Variants in MYOM3 observed in about 807,000 individuals in gnomAD.
MYOM3 encodes myomesin-3.
A neutral mutation model predicts 191.7 loss-of-function variants in MYOM3; 155 were observed. The ratio of observed to expected loss-of-function variants is 0.81; its 90% CI spans 0.71 to 0.92. The LOEUF is 0.92. Among genes scored for constraint, MYOM3 ranks in the 40% least tolerant of loss-of-function variants. The pLI is 0.00. For synonymous variants in MYOM3, 757 were observed against 762.9 expected, an observed-to-expected ratio of 0.99 and a Z score of 0.13; for missense variants, 1,889 against 1,890.6, an observed-to-expected ratio of 1.00 and a Z score of 0.02.
intron 20 of MYOM3, 67 bp downstream of exon 20, chr1:24,079,949 C>T (rs1643646125): frequency 7.1e-7 from 1 of 1,417,686 alleles, no homozygotes; most frequent in Non-Finnish European, 9.6e-7. Flanking sequence ...GAGGTCATTC[C>T]AGCTCTGATG....
intron 18 of MYOM3, 39 bp from the exon 19 acceptor site, chr1:24,081,495 G>C: frequency 1.2e-6 from 2 of 1,604,632 alleles, no homozygotes; most frequent in Middle Eastern, 3.3e-4. Context: ...GCTGAGGCTG[G>C]AGGAGGGATG....
chr1:24,075,136 T>A lies in MYOM3; in HGVS notation c.2858+183A>T, dbSNP rs150446219. Among the ~76,000 whole-genome samples the A allele has an allele frequency of 5.3e-4, 81 of 151,784 alleles. 1 individual carries two copies. The highest frequency in any genetic ancestry group is 1.9e-3 in the African/African-American group (79 of 41,108). ...GAAAAAATAGCACCATTGCAGCCGC[T>A]TAAATGCACTCTCCACTCTTCTCAC... is the stretch of plus-strand genomic sequence containing the variant. On this transcript the variant is annotated intron_variant, in intron 22 of 36. Coordinates refer to ENST00000374434, the MANE Select transcript of MYOM3 (RefSeq NM_152372.4).
Position 24,060,822 on chromosome 1 carries a change from G to A in MYOM3, c.3994+238C>T, listed in dbSNP as rs181351330. The stretch of plus-strand genomic sequence containing the variant: ...TCCCCTCCTTTTCGGTCCCACCAAT[G>A]TAGTCCATGTGCCTGCGAGAACCAG... On this transcript the variant is annotated intron_variant, in intron 35 of 36. Transcript: ENST00000374434. 4.2e-3 allele frequency among the ~76,000 whole-genome samples: 634 copies of A among 152,286 alleles called. 2 individuals carry two copies. Among genetic ancestry groups the A allele is most frequent in the Non-Finnish European group, 6.9e-3 (466 of 68,026 alleles).
chr1:24,106,029 C>T lies in MYOM3; in HGVS notation c.451G>A (p.Gly151Ser), dbSNP rs145011026. ...EAKELRELCY[G>S]RGPWFWIPLR... ...GGGATCCAGAACCAGGGCCCGCGGC[C>T]GTAGCACAGCTCCCTCAGCTCCTTG... The change falls in exon 5 of 37, where the codon GGC becomes AGC. Residue 151 changes from glycine to serine, a missense_variant. Transcript: ENST00000374434. The T allele has an allele frequency of 8.4e-5, 135 of 1,613,832 alleles. No individual in the cohort carries two copies. Among genetic ancestry groups the T allele is most frequent in the Middle Eastern group, 8.3e-4 (5 of 6,058 alleles).
At chr1:24,074,437 C>T (rs572266568) in intron 22 of MYOM3, among the ~76,000 whole-genome samples, 168 bp from the exon 23 acceptor site, 2 of 152,176 alleles carry the variant, frequency 1.3e-5, no homozygotes, top group South Asian at 4.1e-4. Context: ...CCTTAGGGTC[C>T]CCTCTGGCCT....
chr1:24,068,298 C>T lies in MYOM3; in HGVS notation c.3220G>A (p.Asp1074Asn). ...AGTTGAGCGGTGTACGACCCTTTGT[C>T]CTCCTCAGACAAGTTCTGGATGATC... ...EVIIQNLSEE[D>N]KGSYTAQLQD... Residue 1074 changes from aspartate to asparagine, a missense_variant, in exon 26 of 37, where the codon GAC becomes AAC. Coordinates refer to ENST00000374434, the MANE Select transcript of MYOM3 (RefSeq NM_152372.4). 1 of 1,614,150 alleles carries T rather than the reference C, an allele frequency of 6.2e-7. No individual in the cohort carries two copies. Among genetic ancestry groups the T allele is most frequent in the Non-Finnish European group, 8.5e-7 (1 of 1,180,000 alleles).
chr1:24,076,360 A>G, intron 20 of MYOM3, 87 bp from the exon 21 acceptor site: 3 of 910,576 alleles, frequency 3.3e-6, no homozygotes, highest in Non-Finnish European at 5.5e-6. Flanking sequence ...GCCACTCTCA[A>G]TAAGAAAACC....
In MYOM3 at chr1:24,106,987, C is replaced by T. The variant is rs150237849; in HGVS notation, c.402+86G>A. ...AAAGCCTGGACTCTGCCCTGGATGT[C>T]CCGCCTCTTGGGAAGGGGGTGAGGA... On this transcript the variant is annotated intron_variant, in intron 4 of 36. Coordinates refer to ENST00000374434, the MANE Select transcript of MYOM3 (RefSeq NM_152372.4). 683 of 1,365,248 alleles carry T rather than the reference C, an allele frequency of 5.0e-4. 1 individual carries two copies. In the Middle Eastern group the frequency reaches 5.2e-3, roughly 10 times the overall value. The allele number at this position is 1,365,248 out of a possible 1,614,324, so 84.6% of individuals were successfully genotyped here. A position where few individuals can be genotyped will look rare whatever the true frequency, so the allele number is the denominator to read the frequency against.
At chr1:24,081,162 T>C (rs1274124422) in intron 19 of MYOM3, among the ~76,000 whole-genome samples, 168 bp downstream of exon 19, 1 of 152,240 alleles carries the variant, frequency 6.6e-6, no homozygotes, top group East Asian at 1.9e-4. Flanking sequence ...GGACTCCATT[T>C]GTGTCAGGAA....
intron 35 of MYOM3, among the ~76,000 whole-genome samples, chr1:24,060,829 A>G (rs747026458): frequency 2.0e-4 from 31 of 152,262 alleles, no homozygotes; most frequent in Admixed American, 4.6e-4. Context: ...AATGTAGTCC[A>G]TGTGCCTGCG....
chr1:24,108,832 C>T (rs1185036489), intron 1 of MYOM3, among the ~76,000 whole-genome samples, 178 bp from the exon 2 acceptor site: 1 of 152,184 alleles, frequency 6.6e-6, no homozygotes, highest in Non-Finnish European at 1.5e-5. Flanking sequence ...GTGACAGAGG[C>T]AGGCCTTGGG....
chr1:24,057,206 G>T lies in MYOM3; in HGVS notation c.*158C>A. The T allele has an allele frequency of 4.2e-6, 3 of 718,328 alleles. No homozygotes were observed. The highest frequency in any genetic ancestry group is 6.7e-6 in the Non-Finnish European group (3 of 445,474). 44.5% of individuals were successfully genotyped at this position (718,328 alleles called of 1,614,324 possible). On this transcript the variant is annotated 3_prime_UTR_variant, in exon 37 of 37. Transcript: ENST00000374434. ...AGAAAGATCTTTGCTTCTCCACTTT[G>T]GTGCATCCGCTCCACCCCCACCCTC... is the stretch of plus-strand genomic sequence containing the variant.
Position 24,059,920 on chromosome 1 carries a change from A to G in MYOM3, c.3995-941T>C, listed in dbSNP as rs528063944. 5.3e-5 allele frequency among the ~76,000 whole-genome samples: 8 copies of G among 152,250 alleles called. No individual in the cohort carries two copies. In the East Asian group the frequency reaches 1.4e-3, roughly 26 times the overall value. On this transcript the variant is annotated intron_variant, in intron 35 of 36. Coordinates refer to ENST00000374434, the MANE Select transcript of MYOM3 (RefSeq NM_152372.4). ...CGGATGGTGTCTGTCCAGTGGGTGA[A>G]AGGGGAGCAGGACCCCAGATGGGGA...
intron 5 of MYOM3, 135 bp downstream of exon 5, chr1:24,105,785 G>C (rs1353528288): frequency 1.1e-6 from 1 of 880,946 alleles, no homozygotes; most frequent in African/African-American, 1.7e-5. Context: ...TTCCCCAGCA[G>C]CTGCTCTATT....
chr1:24,086,606 G>T (rs748604404), intron 15 of MYOM3, 38 bp downstream of exon 15: 3 of 1,597,298 alleles, frequency 1.9e-6, no homozygotes, highest in Non-Finnish European at 2.6e-6. Flanking sequence ...GCCTGGCCTG[G>T]CCTGCCTCCT....
Position 24,057,624 on chromosome 1 carries a change from G to A in MYOM3, c.4054C>T (p.Leu1352=), listed in dbSNP as rs201441408. 1.9e-6 allele frequency: 3 copies of A among 1,613,526 alleles called. No homozygotes were observed. Among genetic ancestry groups the A allele is most frequent in the Non-Finnish European group, 2.5e-6 (3 of 1,179,702 alleles). The change falls in exon 37 of 37, where the codon CTG becomes TTG. Residue 1352 remains leucine, a synonymous_variant. Transcript: ENST00000374434. ...CCTGAGACGATGCAAGTCAAGCACAGGGTCTGTTTGAAAAGACAGGAAGGG... is the reference window on the plus strand; with the variant it reads ...CCTGAGACGATGCAAGTCAAGCACAAGGTCTGTTTGAAAAGACAGGAAGGG... ...DVATIMEDKT[L]CLTCIVSGDP...
chr1:24,073,598 C>G (rs1456832998), intron 23 of MYOM3, among the ~76,000 whole-genome samples: 3 of 152,180 alleles, frequency 2.0e-5, no homozygotes, highest in Admixed American at 6.5e-5. Context: ...GGCACAGTGG[C>G]TCACGCCTGT....
Position 24,102,252 on chromosome 1 carries a change from C to T in MYOM3, c.561-2477G>A, listed in dbSNP as rs1221275683. ...CCTGGCCCCCTCCTGAAAGGAGCTC[C>T]GCTAAACCTCCCACAGGGAGGGTGT... On this transcript the variant is annotated intron_variant, in intron 5 of 36. Coordinates refer to ENST00000374434, the MANE Select transcript of MYOM3 (RefSeq NM_152372.4). Among the ~76,000 whole-genome samples the T allele has an allele frequency of 5.3e-5, 8 of 152,302 alleles. No individual in the cohort carries two copies. In the South Asian group the frequency reaches 8.3e-4, roughly 16 times the overall value.
Position 24,097,987 on chromosome 1 carries a change from A to G in MYOM3, c.681T>C (p.Thr227=). 1 of 1,613,428 alleles carries G rather than the reference A, an allele frequency of 6.2e-7. No homozygotes were observed. Among genetic ancestry groups the G allele is most frequent in the Non-Finnish European group, 8.5e-7 (1 of 1,179,338 alleles). ...GGGCGTTCTTCACTCGCACAGTGTA[A>G]GTTGCTGAGTCCTCAATGGCGCATC... The part of the protein sequence containing the change: ...IRRCAIEDSA[T]YTVRVKNAHG... Residue 227 remains threonine (T), a synonymous_variant, in exon 7 of 37, where the codon ACT becomes ACC. Transcript: ENST00000374434.
Sources: gnomAD v4.1 joint callset for allele counts (sites outside exome capture counted in the v4.1 genomes callset) on GRCh38, gnomAD v4.1.1 for gene constraint, MANE v1.5 for transcripts, NCBI Gene and HGNC (gene_info 2026-07-23, HGNC 2026-07-21) for gene names.